Variants in B3GALT1 observed in about 807,000 individuals in gnomAD.
B3GALT1 encodes the protein UDP-Gal:betaGlcNAc beta 1,3-galactosyltransferase, polypeptide 1.
B3GALT1 carries 10 observed loss-of-function variants against 23.2 expected under a neutral mutation model. The observed-to-expected ratio is 0.43, with a 90% CI of 0.27 to 0.73. B3GALT1 has a LOEUF of 0.73. Among genes scored for constraint, B3GALT1 ranks in the 30% least tolerant of loss-of-function variants. The pLI is 0.21. For missense variants in B3GALT1, 299 were observed against 405.4 expected, an observed-to-expected ratio of 0.74 and a Z score of 2.25; for synonymous variants, 156 against 141.5, an observed-to-expected ratio of 1.10 and a Z score of -0.73.
At chr2:167,414,113 G>A (rs979645414) in intron 1 of B3GALT1, among the ~76,000 whole-genome samples, 1 of 152,094 alleles carries the variant, frequency 6.6e-6, no homozygotes, top group African/African-American at 2.4e-5. Context: ...GACATGGGGG[G>A]CCTTAATAAG....
chr2:167,586,326 G>T (rs985570280), intron 2 of B3GALT1, among the ~76,000 whole-genome samples: 2 of 152,066 alleles, frequency 1.3e-5, no homozygotes, highest in Non-Finnish European at 2.9e-5. Context: ...TTGAGATGGA[G>T]TCTTGCTCAG....
At chr2:167,805,643 C>A (rs188585331) in intron 3 of B3GALT1, among the ~76,000 whole-genome samples, 1 of 152,022 alleles carries the variant, frequency 6.6e-6, no homozygotes, top group South Asian at 2.1e-4. Flanking sequence ...GTTGTAGATA[C>A]GTGGCATTAT....
chr2:167,489,962 C>T (rs890664424), intron 1 of B3GALT1, among the ~76,000 whole-genome samples: 12 of 151,986 alleles, frequency 7.9e-5, no homozygotes, highest in Non-Finnish European at 1.0e-4. Flanking sequence ...TTTGAATAAA[C>T]GGATAAGGAG....
chr2:167,345,853 A>G (rs1697216488), intron 1 of B3GALT1, among the ~76,000 whole-genome samples: 1 of 152,088 alleles, frequency 6.6e-6, no homozygotes, highest in African/African-American at 2.4e-5. Flanking sequence ...TGGAGTCTTA[A>G]AAAACAATTC....
rs1180153370 is a variant in B3GALT1 at position 167,774,495 on chromosome 2, TTG to T, written c.-351-44175_-351-44174del. Among the ~76,000 whole-genome samples, 9 of 83,360 alleles carry T rather than the reference TTG, an allele frequency of 1.1e-4. 1 individual carries two copies. The highest frequency in any genetic ancestry group is 1.7e-4 in the Admixed American group (1 of 5,964). 54.7% of individuals were successfully genotyped at this position (83,360 alleles called of 152,430 possible). A position where few individuals can be genotyped will look rare whatever the true frequency, so the allele number is the denominator to read the frequency against. Reference sequence around the variant, plus strand: ...TGGTTTTTTTTTTTTGTTTTTTTTTTTGTTTTTTTTTTTTTTTTTGGAGACAG... The same window carrying T: ...TGGTTTTTTTTTTTTGTTTTTTTTTTTTTTTTTTTTTTTTTTTGGAGACAG... On this transcript the variant is annotated intron_variant, in intron 3 of 4. Coordinates refer to ENST00000392690, the MANE Select transcript of B3GALT1 (RefSeq NM_020981.4).
At chr2:167,312,666 G>A (rs1270215931) in intron 1 of B3GALT1, among the ~76,000 whole-genome samples, 1 of 152,002 alleles carries the variant, frequency 6.6e-6, no homozygotes, top group Non-Finnish European at 1.5e-5. Flanking sequence ...CTGTCAGATT[G>A]CATTTTAAAA....
rs56318085 is a variant in B3GALT1, at chr2:167,408,015, G to GAC, written c.-510-82106_-510-82105dup. On this transcript the variant is annotated intron_variant, in intron 1 of 4. Transcript: ENST00000392690. ...TACCCTGATAACAAAAGCAGGCAAAGACACACACACACACACACACACACA... is the reference window on the plus strand; with the variant it reads ...TACCCTGATAACAAAAGCAGGCAAAGACACACACACACACACACACACACACA... Among the ~76,000 whole-genome samples, 261 of 129,728 alleles carry GAC rather than the reference G, an allele frequency of 2.0e-3. 1 individual carries two copies. Among genetic ancestry groups the GAC allele is most frequent in the African/African-American group, 6.2e-3 (217 of 35,248 alleles). The allele number at this position is 129,728 out of a possible 152,430, so 85.1% of individuals were successfully genotyped here. A position where few individuals can be genotyped will look rare whatever the true frequency, so the allele number is the denominator to read the frequency against.
intron 1 of B3GALT1, among the ~76,000 whole-genome samples, chr2:167,471,956 GA>G (rs1400826642): frequency 1.3e-5 from 2 of 152,176 alleles, no homozygotes; most frequent in Non-Finnish European, 2.9e-5. Context: ...TGTAGTAGAA[GA>G]AAGTGCTGGC....
intron 1 of B3GALT1, among the ~76,000 whole-genome samples, chr2:167,447,414 C>T (rs868510499): frequency 6.6e-6 from 1 of 152,202 alleles, no homozygotes; most frequent in Non-Finnish European, 1.5e-5. Flanking sequence ...TTTAAGTCTG[C>T]AGAAGTTTCT....
At chr2:167,669,753 A>G (rs149015784) in intron 3 of B3GALT1, among the ~76,000 whole-genome samples, 1 of 152,194 alleles carries the variant, frequency 6.6e-6, no homozygotes, top group African/African-American at 2.4e-5. Flanking sequence ...GATGATATAT[A>G]TAAGAGAGAC....
intron 3 of B3GALT1, among the ~76,000 whole-genome samples, chr2:167,729,175 G>A (rs1209490898): frequency 2.0e-5 from 3 of 152,160 alleles, no homozygotes; most frequent in African/African-American, 4.8e-5. Flanking sequence ...TGAGTATCAG[G>A]GAAAGGCAGT....
intron 1 of B3GALT1, among the ~76,000 whole-genome samples, chr2:167,443,314 C>T (rs1038912921): frequency 7.2e-5 from 11 of 152,126 alleles, no homozygotes; most frequent in African/African-American, 2.7e-4. Flanking sequence ...AGTGTGATGC[C>T]TCCAGCTTTG....
At chr2:167,665,072 C>G (rs1428894552) in intron 3 of B3GALT1, among the ~76,000 whole-genome samples, 5 of 151,934 alleles carry the variant, frequency 3.3e-5, no homozygotes, top group East Asian at 1.9e-4. Flanking sequence ...CAGTTTTTGC[C>G]AATTCAGTAT....
rs917472550 is a variant in B3GALT1 at position 167,744,387 on chromosome 2, G to T, written c.-351-74285G>T. 2.6e-5 allele frequency among the ~76,000 whole-genome samples: 4 copies of T among 152,110 alleles called. No individual in the cohort carries two copies. The East Asian group carries it at 7.7e-4, about 29-fold the overall frequency. ...AATATATTTTCATGTTATTTTATTA[G>T]ATTAATGTAAGTTTGCAACTATTAT... On this transcript the variant is annotated intron_variant, in intron 3 of 4. Coordinates refer to ENST00000392690, the MANE Select transcript of B3GALT1 (RefSeq NM_020981.4).
chr2:167,412,718 C>G (rs1015285898), intron 1 of B3GALT1, among the ~76,000 whole-genome samples: 2 of 152,014 alleles, frequency 1.3e-5, no homozygotes, highest in Non-Finnish European at 2.9e-5. Flanking sequence ...CCGTATGACC[C>G]AGAAATTACA....
intron 1 of B3GALT1, among the ~76,000 whole-genome samples, chr2:167,410,570 C>A (rs1215158218): frequency 1.3e-5 from 2 of 150,146 alleles, no homozygotes; most frequent in Non-Finnish European, 3.0e-5. Flanking sequence ...ATATCACACA[C>A]TGGGGCCTGT....
chr2:167,715,652 T>C lies in B3GALT1; in HGVS notation c.-352+68686T>C. ...GAGGATTTCATCCTCAAGTTCAGAA[T>C]TGGACCTGTTCAGCTTTTCACAGGT... On this transcript the variant is annotated intron_variant, in intron 3 of 4. Coordinates refer to ENST00000392690, the MANE Select transcript of B3GALT1 (RefSeq NM_020981.4). 7 of 1,613,770 alleles carry C rather than the reference T, an allele frequency of 4.3e-6. No individual in the cohort carries two copies. The South Asian group carries it at 4.4e-5, about 10-fold the overall frequency.
chr2:167,797,205 C>T (rs1176298911), intron 3 of B3GALT1, among the ~76,000 whole-genome samples: 1 of 152,198 alleles, frequency 6.6e-6, no homozygotes, highest in Non-Finnish European at 1.5e-5. Context: ...TTAGCTCCCA[C>T]TTATAAGTGA....
At chr2:167,376,715 T>C (rs1302119644) in intron 1 of B3GALT1, among the ~76,000 whole-genome samples, 1 of 152,148 alleles carries the variant, frequency 6.6e-6, no homozygotes, top group Non-Finnish European at 1.5e-5. Context: ...ATTGTGCCTA[T>C]TTGGATCTTC....
Sources: gnomAD v4.1 joint callset for allele counts (sites outside exome capture counted in the v4.1 genomes callset) on GRCh38, gnomAD v4.1.1 for gene constraint, MANE v1.5 for transcripts, NCBI Gene and HGNC (gene_info 2026-07-23, HGNC 2026-07-21) for gene names.